Variants in PDE8B observed in about 807,000 individuals in gnomAD.
The protein encoded by PDE8B is high affinity cAMP-specific and IBMX-insensitive 3',5'-cyclic phosphodiesterase 8B.
A neutral mutation model predicts 101.3 loss-of-function variants in PDE8B; 26 were observed. The ratio of observed to expected loss-of-function variants is 0.26; its 90% CI spans 0.19 to 0.36. The LOEUF (loss-of-function observed/expected upper bound fraction) is 0.36. PDE8B is among the 10% of genes least tolerant of loss of function. The pLI is 1.00. For missense variants in PDE8B, 810 were observed against 1,163.1 expected (o/e 0.70, Z 4.42); for synonymous variants, 424 against 429.3 (o/e 0.99, Z 0.15).
At chr5:77,259,054 ACACACACACACACACCCCCGCCCCCCCCC>A (rs1252836272) in intron 1 of PDE8B, among the ~76,000 whole-genome samples, 3 of 103,826 alleles carry the variant, frequency 2.9e-5, no homozygotes, top group African/African-American at 7.6e-5. Flanking sequence ...ACACAGACAC[ACACACACACACACACCCCCGCCCCCCCCC>A]CACACACACA....
chr5:77,375,568 T>G (rs756294115), intron 10 of PDE8B, among the ~76,000 whole-genome samples: 3 of 152,174 alleles, frequency 2.0e-5, no homozygotes. Context: ...TGCTGCCACC[T>G]GTGCCCATCT....
At chr5:77,419,621 C>CGA in intron 18 of PDE8B, 146 bp from the exon 19 acceptor site, 1 of 875,812 alleles carries the variant, frequency 1.1e-6, no homozygotes, top group South Asian at 1.4e-5. Flanking sequence ...ACTGGGAGGA[C>CGA]GAGCTCTTCT....
chr5:77,303,569 AAAATAAATAAAT>A (rs57327578), intron 1 of PDE8B, among the ~76,000 whole-genome samples: 9 of 148,764 alleles, frequency 6.0e-5, no homozygotes, highest in South Asian at 4.3e-4. Flanking sequence ...ACTCCATCTC[AAAATAAATAAAT>A]AAATAAATAA....
the PDE8B span, among the ~76,000 whole-genome samples, chr5:77,154,666 C>T: frequency 6.6e-6 from 1 of 152,176 alleles, no homozygotes; most frequent in Non-Finnish European, 1.5e-5. Context: ...ATCATCATCT[C>T]CCAGATGGGA....
chr5:77,416,159 A>T (rs1026222572), intron 17 of PDE8B, among the ~76,000 whole-genome samples: 1 of 152,282 alleles, frequency 6.6e-6, no homozygotes, highest in South Asian at 2.1e-4. Context: ...TGCAGGACCC[A>T]TTATTGGTAT....
At chr5:77,260,157 C>CAAAAAA (rs66923234) in intron 1 of PDE8B, among the ~76,000 whole-genome samples, 6 of 100,944 alleles carry the variant, frequency 5.9e-5, no homozygotes, top group East Asian at 2.7e-4. Flanking sequence ...AACTCCATCA[C>CAAAAAA]AAAAAAAAAA....
intron 11 of PDE8B, among the ~76,000 whole-genome samples, chr5:77,402,067 T>A (rs1216660805): frequency 2.0e-5 from 3 of 152,192 alleles, no homozygotes; most frequent in African/African-American, 4.8e-5. Context: ...TAATCTTAAA[T>A]TTTTAAGTTA....
At chr5:77,358,673 C>T (rs2150528480) in intron 10 of PDE8B, among the ~76,000 whole-genome samples, 1 of 152,336 alleles carries the variant, frequency 6.6e-6, no homozygotes, top group East Asian at 1.9e-4. Context: ...ATATGTCTCA[C>T]ATGGTGTTAC....
intron 10 of PDE8B, among the ~76,000 whole-genome samples, chr5:77,387,925 C>A (rs1460487053): frequency 3.3e-5 from 5 of 152,028 alleles, no homozygotes; most frequent in Non-Finnish European, 7.4e-5. Flanking sequence ...TCAGCTACAT[C>A]AGGTCATTTA....
chr5:77,322,955 G>A (rs760089739), intron 2 of PDE8B, among the ~76,000 whole-genome samples: 13 of 152,178 alleles, frequency 8.5e-5, no homozygotes, highest in East Asian at 1.9e-4. Context: ...TACTGTATTA[G>A]TCAAAGATTG....
At chr5:77,109,323 T>C in the PDE8B span, among the ~76,000 whole-genome samples, 19 of 152,352 alleles carry the variant, frequency 1.2e-4, no homozygotes, top group African/African-American at 4.6e-4. Context: ...GTTTTTGTTG[T>C]TTGTATTAAT....
chr5:77,370,683 G>T (rs77592424), intron 10 of PDE8B, among the ~76,000 whole-genome samples: 11,250 of 152,178 alleles, frequency 0.074, 646 homozygotes, highest in African/African-American at 0.16. Context: ...CCTAGGAGTA[G>T]ATTTGCTAAG....
the PDE8B span, among the ~76,000 whole-genome samples, chr5:77,171,312 C>T: frequency 6.6e-6 from 1 of 152,144 alleles, no homozygotes; most frequent in East Asian, 1.9e-4. Context: ...GGGGAAAGAA[C>T]TGAAATAGAT....
Position 77,212,031 on chromosome 5 carries a change from A to C in PDE8B, c.339+767A>C, listed in dbSNP as rs1474543599. 5.3e-5 allele frequency among the ~76,000 whole-genome samples: 8 copies of C among 152,200 alleles called. 1 individual carries two copies. Among genetic ancestry groups the C allele is most frequent in the Non-Finnish European group, 2.9e-5 (2 of 68,034 alleles). ...AGTGGGATTTTGAGGAAGTGGAAAA[A>C]ATTGTTTAGATGGTTAAAGCAGTCG... On this transcript the variant is annotated intron_variant, in intron 1 of 21. Transcript: ENST00000264917.
chr5:77,423,632 G>GTTTTTTTTTTT (rs71594634), intron 20 of PDE8B, among the ~76,000 whole-genome samples: 921 of 73,926 alleles, frequency 0.012, 173 homozygotes, highest in Non-Finnish European at 0.02. Context: ...GTTTTGTTTA[G>GTTTTTTTTTTT]TTTTTTTTTT....
At chr5:77,281,230 T>C (rs1310424547) in intron 1 of PDE8B, among the ~76,000 whole-genome samples, 1 of 152,188 alleles carries the variant, frequency 6.6e-6, no homozygotes, top group African/African-American at 2.4e-5. Flanking sequence ...TTAGTGGCTG[T>C]GGTACTGAGA....
chr5:77,230,154 G>A (rs918488777), intron 1 of PDE8B, among the ~76,000 whole-genome samples: 1 of 152,110 alleles, frequency 6.6e-6, no homozygotes, highest in Non-Finnish European at 1.5e-5. Flanking sequence ...GGTATCTCAC[G>A]TGGTTTGATT....
At chr5:77,102,947 G>T in the PDE8B span, among the ~76,000 whole-genome samples, 7 of 152,162 alleles carry the variant, frequency 4.6e-5, no homozygotes, top group African/African-American at 1.4e-4. Context: ...AGAGTAGGTC[G>T]GGCAGCTTTC....
intron 10 of PDE8B, among the ~76,000 whole-genome samples, chr5:77,382,110 T>G (rs1237202253): frequency 6.6e-6 from 1 of 152,232 alleles, no homozygotes; most frequent in Non-Finnish European, 1.5e-5. Flanking sequence ...CCCAATACTT[T>G]ATTATGAAAA....
Sources: allele counts gnomAD v4.1 joint callset (sites outside exome capture counted in the v4.1 genomes callset), GRCh38; gene constraint gnomAD v4.1.1; transcripts MANE v1.5; gene names NCBI Gene and HGNC (gene_info 2026-07-23, HGNC 2026-07-21).